The following ARHGAP42 variants were observed in gnomAD, a reference collection of about 807,000 sequenced individuals.
The protein encoded by ARHGAP42 is Rho GTPase activating protein 42.
ARHGAP42 carries 63 observed loss-of-function variants against 125.0 expected under a neutral mutation model. The ratio of observed to expected loss-of-function variants is 0.50; its 90% CI spans 0.41 to 0.62. The LOEUF (loss-of-function observed/expected upper bound fraction) is 0.62, where lower values mean the gene tolerates loss of function less well. Among genes scored for constraint, ARHGAP42 ranks in the 20% least tolerant of loss-of-function variants. The probability of loss-of-function intolerance (pLI) is 0.00; values close to 1 mark genes in which losing one functional copy is unlikely to be tolerated. For synonymous variants in ARHGAP42, 339 were observed against 351.0 expected, an observed-to-expected ratio of 0.97 and a Z score of 0.38; for missense variants, 766 against 1,024.2, an observed-to-expected ratio of 0.75 and a Z score of 3.44.
At chr11:100,941,737 A>G in intron 8 of ARHGAP42, 47 bp from the exon 9 acceptor site, 1 of 1,210,432 alleles carries the variant, frequency 8.3e-7, no homozygotes, top group Non-Finnish European at 1.1e-6. Context: ...CTTTGATACA[A>G]ATCATTTATT....
chr11:100,989,395 A>C lies in ARHGAP42; in HGVS notation c.*594A>C, dbSNP rs1398687381. 1 of 326,356 alleles carries C rather than the reference A, an allele frequency of 3.1e-6. No homozygotes were observed. The highest frequency in any genetic ancestry group is 2.1e-5 in the African/African-American group (1 of 47,182). 20.2% of individuals were successfully genotyped at this position (326,356 alleles called of 1,614,324 possible). A position where few individuals can be genotyped will look rare whatever the true frequency, so the allele number is the denominator to read the frequency against. On this transcript the variant is annotated 3_prime_UTR_variant, in exon 24 of 24. Transcript: ENST00000298815. The stretch of plus-strand genomic sequence containing the variant: ...GCAATAATGTATATGATATCTATAA[A>C]GGAAGCAAAATTAAGTCATACACTG...
At chr11:100,720,078 A>G (rs1422482503) in intron 1 of ARHGAP42, among the ~76,000 whole-genome samples, 5 of 152,184 alleles carry the variant, frequency 3.3e-5, no homozygotes, top group Non-Finnish European at 7.3e-5. Flanking sequence ...AGGTTAGATT[A>G]TAGGCTAGAT....
Position 100,779,720 on chromosome 11 carries a change from T to C in ARHGAP42, c.250+9282T>C, listed in dbSNP as rs796668444. On this transcript the variant is annotated intron_variant, in intron 2 of 23. Transcript: ENST00000298815. ...ACATATGTAATTTTTACATGTACTT[T>C]AGAATCATTTAGAACAAGTTTTTGG... Among the ~76,000 whole-genome samples the C allele has an allele frequency of 9.2e-5, 14 of 151,596 alleles. No individual in the cohort carries two copies. In the East Asian group the frequency reaches 2.2e-3, roughly 23 times the overall value.
intron 19 of ARHGAP42, among the ~76,000 whole-genome samples, chr11:100,975,780 A>G (rs1858373941): frequency 6.6e-6 from 1 of 152,216 alleles, no homozygotes; most frequent in South Asian, 2.1e-4. Flanking sequence ...TTATGCTTCA[A>G]GAAGTAAAGT....
At chr11:100,829,547 A>G (rs1465494253) in intron 3 of ARHGAP42, among the ~76,000 whole-genome samples, 2 of 152,114 alleles carry the variant, frequency 1.3e-5, no homozygotes, top group African/African-American at 2.4e-5. Context: ...CCACTTTACT[A>G]TGATACAGAC....
intron 3 of ARHGAP42, among the ~76,000 whole-genome samples, chr11:100,848,238 G>A (rs991880302): frequency 9.9e-5 from 15 of 152,074 alleles, no homozygotes; most frequent in East Asian, 1.9e-4. Flanking sequence ...ATCCGAGAAC[G>A]TGCATTTTTC....
At chr11:100,758,471 C>T (rs781180488) in intron 1 of ARHGAP42, among the ~76,000 whole-genome samples, 9 of 152,134 alleles carry the variant, frequency 5.9e-5, no homozygotes, top group African/African-American at 1.4e-4. Flanking sequence ...TTTTGGAATA[C>T]GGACAGTTTG....
intron 1 of ARHGAP42, among the ~76,000 whole-genome samples, chr11:100,720,340 A>T (rs1244558674): frequency 6.6e-6 from 1 of 152,230 alleles, no homozygotes; most frequent in Non-Finnish European, 1.5e-5. Context: ...AGTTGTTCCT[A>T]TGAATGATTG....
intron 1 of ARHGAP42, among the ~76,000 whole-genome samples, chr11:100,724,381 C>A (rs146734929): frequency 2.0e-5 from 3 of 152,134 alleles, no homozygotes; most frequent in Admixed American, 2.0e-4. Flanking sequence ...TGTAAGAACT[C>A]GTGGAGAATT....
chr11:100,714,738 A>G (rs920849374), intron 1 of ARHGAP42, among the ~76,000 whole-genome samples: 3 of 152,062 alleles, frequency 2.0e-5, no homozygotes, highest in Admixed American at 6.6e-5. Flanking sequence ...AGACCTAAAG[A>G]ATTCTTATTT....
chr11:100,908,406 T>A (rs1005125999), intron 4 of ARHGAP42, among the ~76,000 whole-genome samples: 1 of 152,170 alleles, frequency 6.6e-6, no homozygotes, highest in African/African-American at 2.4e-5. Flanking sequence ...TGCCTCCCAC[T>A]GTTTGGAGTC....
chr11:100,859,798 A>G lies in ARHGAP42; in HGVS notation c.384+173A>G, dbSNP rs1865402088. The G allele has an allele frequency of 1.0e-5, 5 of 486,346 alleles. No individual in the cohort carries two copies. The South Asian group carries it at 1.5e-4, about 15-fold the overall frequency. 30.1% of individuals were successfully genotyped at this position (486,346 alleles called of 1,614,324 possible). A position where few individuals can be genotyped will look rare whatever the true frequency, so the allele number is the denominator to read the frequency against. ...ACTGGACTTCTTTTAGACATAAAAGATGTTATTATTCTACTGAGTAGATAA... is the reference window on the plus strand; with the variant it reads ...ACTGGACTTCTTTTAGACATAAAAGGTGTTATTATTCTACTGAGTAGATAA... On this transcript the variant is annotated intron_variant, in intron 4 of 23. Coordinates refer to ENST00000298815, the MANE Select transcript of ARHGAP42 (RefSeq NM_152432.4).
intron 1 of ARHGAP42, among the ~76,000 whole-genome samples, chr11:100,743,353 TG>T (rs929513503): frequency 2.0e-5 from 3 of 152,202 alleles, no homozygotes; most frequent in African/African-American, 7.2e-5. Flanking sequence ...ACAAAATTCT[TG>T]GTGACAGTTA....
intron 1 of ARHGAP42, among the ~76,000 whole-genome samples, chr11:100,747,247 A>G (rs1292922619): frequency 6.6e-6 from 1 of 152,190 alleles, no homozygotes; most frequent in African/African-American, 2.4e-5. Flanking sequence ...TCTTGTTGAG[A>G]AATTTTCTTT....
intron 4 of ARHGAP42, among the ~76,000 whole-genome samples, chr11:100,893,069 A>G (rs149180270): frequency 5.3e-5 from 8 of 152,242 alleles, no homozygotes; most frequent in Non-Finnish European, 7.4e-5. Flanking sequence ...TCAGAATGTC[A>G]GAAGTATTTG....
In ARHGAP42 at chr11:100,976,333, G is replaced by A; in HGVS notation, c.2132G>A (p.Gly711Glu). 1 of 1,551,694 alleles carries A rather than the reference G, an allele frequency of 6.4e-7. No individual in the cohort carries two copies. Among genetic ancestry groups the A allele is most frequent in the South Asian group, 1.2e-5 (1 of 84,034 alleles). Residue 711 changes from glycine (G) to glutamate (E), a missense_variant, in exon 20 of 24, where the codon GGA becomes GAA. Physicochemically the swap from Gly to Glu is moderately conservative, Grantham distance 98 (BLOSUM62 -2). This residue lies in a region of ARHGAP42 where 308 missense variants were observed against 369.7 expected (regional missense o/e 0.83). Transcript: ENST00000298815. ...CQSVASVTSPGDVSPPIDLVK... is the reference protein window; with the variant it reads ...CQSVASVTSPEDVSPPIDLVK... ...AGTGTTGCTTCAGTCACTAGCCCAG[G>A]AGACGTTTCCCCACCCATAGACCTA...
In ARHGAP42 at chr11:100,976,730, C is replaced by T; in HGVS notation, c.2237-85C>T. The T allele has an allele frequency of 3.4e-6, 5 of 1,474,114 alleles. No individual in the cohort carries two copies. The South Asian group carries it at 6.7e-5, about 20-fold the overall frequency. The allele number at this position is 1,474,114 out of a possible 1,614,324, so 91.3% of individuals were successfully genotyped here. A position where few individuals can be genotyped will look rare whatever the true frequency, so the allele number is the denominator to read the frequency against. ...TCCCATTTGGGCTCAGAGAAAAATG[C>T]TTCCTTTTGTTATGCACATGTACGT... On this transcript the variant is annotated intron_variant, in intron 20 of 23. Transcript: ENST00000298815.
intron 5 of ARHGAP42, among the ~76,000 whole-genome samples, chr11:100,917,407 T>C (rs755532377): frequency 6.6e-6 from 1 of 152,160 alleles, no homozygotes; most frequent in Non-Finnish European, 1.5e-5. Context: ...GATTTTGTTG[T>C]GCCGGACTGT....
chr11:100,811,189 C>T (rs1864133520), intron 3 of ARHGAP42, among the ~76,000 whole-genome samples: 1 of 152,172 alleles, frequency 6.6e-6, no homozygotes, highest in Non-Finnish European at 1.5e-5. Flanking sequence ...GTCCTGACCT[C>T]AGGTGATCCG....
Sources: allele counts gnomAD v4.1 joint callset (sites outside exome capture counted in the v4.1 genomes callset), GRCh38; gene constraint gnomAD v4.1.1; regional missense constraint gnomAD v4.1.1; transcripts MANE v1.5; gene names NCBI Gene and HGNC (gene_info 2026-07-23, HGNC 2026-07-21).